TRAF2: variants seen among roughly 807,000 people sequenced by gnomAD.
TRAF2 encodes TNF receptor associated factor 2, also known as TNF receptor-associated factor 2.
A neutral mutation model predicts 55.6 loss-of-function variants in TRAF2; 6 were observed. The ratio of observed to expected loss-of-function variants is 0.11; its 90% CI spans 0.06 to 0.21. The LOEUF is 0.21. TRAF2 is among the 10% of genes least tolerant of loss of function. The probability of loss-of-function intolerance (pLI) is 1.00; values close to 1 mark genes in which losing one functional copy is unlikely to be tolerated. For missense variants in TRAF2, 561 were observed against 684.5 expected, an observed-to-expected ratio of 0.82 and a Z score of 2.01; for synonymous variants, 329 against 276.3, an observed-to-expected ratio of 1.19 and a Z score of -1.89.
chr9:136,883,914 C>T (rs565281764), upstream of TRAF2, among the ~76,000 whole-genome samples: 4 of 151,412 alleles, frequency 2.6e-5, no homozygotes, highest in Admixed American at 6.6e-5. Context: ...CTACGCCTCC[C>T]GGGTTCAAGT....
At chr9:136,924,346 AC>A (rs899001427) in intron 10 of TRAF2, among the ~76,000 whole-genome samples, 16 of 151,688 alleles carry the variant, frequency 1.1e-4, no homozygotes, top group Non-Finnish European at 2.1e-4. Context: ...GATTGCTTGA[AC>A]CCAGGAGTTT....
chr9:136,924,017 A>T lies in TRAF2; in HGVS notation c.1287+17A>T. The T allele has an allele frequency of 6.2e-7, 1 of 1,610,528 alleles. No homozygotes were observed. On this transcript the variant is annotated intron_variant, in intron 10 of 10. Coordinates refer to ENST00000247668, the MANE Select transcript of TRAF2 (RefSeq NM_021138.4). ...AACCAGAAGGTGAGGCCGTCCCTGC[A>T]GGCTTCGCTAGGGCCGCACCTGGGA... is the stretch of plus-strand genomic sequence containing the variant.
At chr9:136,905,227 C>T (rs904989108) in intron 4 of TRAF2, among the ~76,000 whole-genome samples, 1 of 152,240 alleles carries the variant, frequency 6.6e-6, no homozygotes, top group African/African-American at 2.4e-5. Context: ...GCTGCCCTGG[C>T]CTCTCAGGAA....
In TRAF2 at chr9:136,921,192, G is replaced by A. The variant is rs763841128; in HGVS notation, c.1115G>A (p.Arg372His). 8.6e-5 allele frequency: 139 copies of A among 1,613,616 alleles called. No homozygotes were observed. Among genetic ancestry groups the A allele is most frequent in the Non-Finnish European group, 1.1e-4 (127 of 1,180,026 alleles). The change falls in exon 9 of 11, where the codon CGC becomes CAC. Residue 372 changes from arginine to histidine, a missense_variant. Physicochemically the swap from Arg to His is conservative, Grantham distance 29 (BLOSUM62 0). Coordinates refer to ENST00000247668, the MANE Select transcript of TRAF2 (RefSeq NM_021138.4). ...AAGCGCCAGGAAGCTGTGGCTGGCC[G>A]CATACCCGCCATCTTCTCCCCAGGT... is the stretch of plus-strand genomic sequence containing the variant. Reference protein sequence around the residue: ...ARKRQEAVAGRIPAIFSPAFY... With the variant: ...ARKRQEAVAGHIPAIFSPAFY...
At position 136,887,452 on chromosome 9, in the gene TRAF2, C is replaced by G. The variant is rs373365182; in HGVS notation, c.-29+911C>G. Reference sequence around the variant, plus strand: ...TTTTGGAGTTGTCATTTTGAGGCCCCGAGGGCTGAGGGTCAGTGCAGAAGA... The same window carrying G: ...TTTTGGAGTTGTCATTTTGAGGCCCGGAGGGCTGAGGGTCAGTGCAGAAGA... On this transcript the variant is annotated intron_variant, in intron 1 of 10. Coordinates refer to ENST00000247668, the MANE Select transcript of TRAF2 (RefSeq NM_021138.4). 3.7e-3 allele frequency among the ~76,000 whole-genome samples: 562 copies of G among 152,116 alleles called. 2 individuals carry two copies. The highest frequency in any genetic ancestry group is 0.012 in the African/African-American group (514 of 41,470).
At chr9:136,884,137 G>C (rs373654706), upstream of TRAF2, among the ~76,000 whole-genome samples, 12 of 150,994 alleles carry the variant, frequency 7.9e-5, no homozygotes, top group African/African-American at 2.9e-4. Flanking sequence ...TAGTAGAGAC[G>C]AGGTTTCACC....
intron 1 of TRAF2, among the ~76,000 whole-genome samples, chr9:136,888,362 C>T (rs959297707): frequency 6.6e-6 from 1 of 151,948 alleles, no homozygotes; most frequent in Non-Finnish European, 1.5e-5. Flanking sequence ...ACCCGGGAGG[C>T]GGAGCTTGCA....
chr9:136,891,708 A>G (rs1849583657), intron 1 of TRAF2, among the ~76,000 whole-genome samples: 1 of 151,660 alleles, frequency 6.6e-6, no homozygotes, highest in Admixed American at 6.6e-5. Context: ...GGGAAAAAAG[A>G]ACGCTCACCC....
At chr9:136,911,173 G>A (rs756466131) in intron 6 of TRAF2, among the ~76,000 whole-genome samples, 13 of 152,198 alleles carry the variant, frequency 8.5e-5, no homozygotes, top group Non-Finnish European at 1.9e-4. Context: ...GGGCGCCCAC[G>A]CAGCGCGGTG....
chr9:136,905,939 C>T (rs1041080701), intron 4 of TRAF2, among the ~76,000 whole-genome samples: 3 of 152,144 alleles, frequency 2.0e-5, no homozygotes, highest in African/African-American at 4.8e-5. Flanking sequence ...CCTGTCTGTA[C>T]TAAAAATACA....
At chr9:136,891,507 G>T (rs1216219548) in intron 1 of TRAF2, among the ~76,000 whole-genome samples, 2 of 151,354 alleles carry the variant, frequency 1.3e-5, no homozygotes, top group African/African-American at 4.9e-5. Flanking sequence ...GCCTCCCAAA[G>T]TGCTGGGATT....
Position 136,910,003 on chromosome 9 carries a change from C to G in TRAF2, c.603+9C>G. On this transcript the variant is annotated intron_variant, in intron 6 of 10. Coordinates refer to ENST00000247668, the MANE Select transcript of TRAF2 (RefSeq NM_021138.4). Reference sequence around the variant, plus strand: ...AGATCCCCCGGGAGAAGGTGAGTGTCCTTCACCTCCTTGGAGGACCGCAGG... The same window carrying G: ...AGATCCCCCGGGAGAAGGTGAGTGTGCTTCACCTCCTTGGAGGACCGCAGG... 1 of 1,612,938 alleles carries G rather than the reference C, an allele frequency of 6.2e-7. No homozygotes were observed. The highest frequency in any genetic ancestry group is 1.7e-4 in the Middle Eastern group (1 of 6,060).
In TRAF2 at chr9:136,908,053, C is replaced by T. The variant is rs1411745985; in HGVS notation, c.367-17C>T. 1.3e-6 allele frequency: 2 copies of T among 1,594,092 alleles called. No individual in the cohort carries two copies. The highest frequency in any genetic ancestry group is 1.7e-4 in the Middle Eastern group (1 of 6,008). On this transcript the variant is annotated splice_polypyrimidine_tract_variant and intron_variant, in intron 4 of 10. Transcript: ENST00000247668. ...TCCCACGCGAGTTCTACTGACGCTT[C>T]CTCCTTTCGTTGCTAGAGCTGCCAC... is the stretch of plus-strand genomic sequence containing the variant.
intron 4 of TRAF2, among the ~76,000 whole-genome samples, chr9:136,901,121 C>T (rs1005154570): frequency 2.6e-5 from 4 of 152,212 alleles, no homozygotes; most frequent in Non-Finnish European, 4.4e-5. Flanking sequence ...GAGCCGTGCA[C>T]GCCTTCCTGC....
chr9:136,882,332 C>T (rs892373034), upstream of TRAF2, among the ~76,000 whole-genome samples: 2 of 152,220 alleles, frequency 1.3e-5, no homozygotes, highest in Admixed American at 6.5e-5. Flanking sequence ...ATGGCGGCCC[C>T]TCACCTCCCG....
chr9:136,920,792 G>C (rs1850366411), intron 8 of TRAF2, among the ~76,000 whole-genome samples: 1 of 152,210 alleles, frequency 6.6e-6, no homozygotes, highest in Non-Finnish European at 1.5e-5. Flanking sequence ...GCCATGGATG[G>C]GGATGTGCAT....
At chr9:136,896,191 T>C (rs1175954163) in intron 1 of TRAF2, among the ~76,000 whole-genome samples, 1 of 152,128 alleles carries the variant, frequency 6.6e-6, no homozygotes, top group East Asian at 1.9e-4. Context: ...CTGCCTCCTC[T>C]CACTAGGCTC....
chr9:136,901,179 A>G (rs1218644304), intron 4 of TRAF2, among the ~76,000 whole-genome samples: 1 of 152,118 alleles, frequency 6.6e-6, no homozygotes, highest in African/African-American at 2.4e-5. Flanking sequence ...GGCATTTGGA[A>G]ACTTCACCTG....
chr9:136,890,432 CA>C (rs769446717), intron 1 of TRAF2: 2 of 152,430 alleles, frequency 1.3e-5, no homozygotes, highest in Admixed American at 6.5e-5. Flanking sequence ...GGCCGCGCAC[CA>C]GGTCTCAGTC....
Sources: gnomAD v4.1 joint callset for allele counts (sites outside exome capture counted in the v4.1 genomes callset) on GRCh38, gnomAD v4.1.1 for gene constraint, MANE v1.5 for transcripts, NCBI Gene and HGNC (gene_info 2026-07-23, HGNC 2026-07-21) for gene names.